Variants in EXD1 observed in about 807,000 individuals in gnomAD.
EXD1 encodes the protein exonuclease 3'-5' domain containing 1.
A neutral mutation model predicts 49.1 loss-of-function variants in EXD1; 63 were observed. That is an observed-to-expected ratio of 1.28 (90% CI 1.05 to 1.58). The LOEUF (loss-of-function observed/expected upper bound fraction) is 1.58. EXD1 is among the 40% of genes most tolerant of loss of function. The pLI, the probability that EXD1 is intolerant of heterozygous loss-of-function variation, is 0.00. For missense variants in EXD1, 748 were observed against 666.0 expected, an observed-to-expected ratio of 1.12 and a Z score of -1.36; for synonymous variants, 234 against 239.2, an observed-to-expected ratio of 0.98 and a Z score of 0.20.
In EXD1 at chr15:41,192,592, GCATTTTTTTT is replaced by G; in HGVS notation, c.721-1017_721-1008del. Among the ~76,000 whole-genome samples, 2 of 86,214 alleles carry G rather than the reference GCATTTTTTTT, an allele frequency of 2.3e-5. 1 individual carries two copies. The highest frequency in any genetic ancestry group is 2.8e-4 in the Admixed American group (2 of 7,024). The allele number at this position is 86,214 out of a possible 152,430, so 56.6% of individuals were successfully genotyped here. A position where few individuals can be genotyped will look rare whatever the true frequency, so the allele number is the denominator to read the frequency against. On this transcript the variant is annotated intron_variant, in intron 9 of 11. Transcript: ENST00000458580. ...TTACAGGCGTGAACCACTGCGCCAG[GCATTTTTTTT>G]TTTTTTTTTTTTTTTTTTTTTTTTT...
Position 41,215,413 on chromosome 15 carries a change from G to A in EXD1, c.447+362C>T, listed in dbSNP as rs1039591165. Among the ~76,000 whole-genome samples the A allele has an allele frequency of 4.3e-4, 66 of 152,132 alleles. 1 individual carries two copies. Among genetic ancestry groups the A allele is most frequent in the African/African-American group, 1.6e-3 (66 of 41,444 alleles). Reference sequence around the variant, plus strand: ...ATAATAAAGAAATTTACAGCCGAGCGTGGTGGCTCATGCCTGTAATCCCAG... The same window carrying A: ...ATAATAAAGAAATTTACAGCCGAGCATGGTGGCTCATGCCTGTAATCCCAG... On this transcript the variant is annotated intron_variant, in intron 6 of 11. Coordinates refer to ENST00000458580, the MANE Select transcript of EXD1 (RefSeq NM_001286441.2).
intron 11 of EXD1, among the ~76,000 whole-genome samples, chr15:41,187,326 G>A (rs1198145206): frequency 6.6e-6 from 1 of 152,050 alleles, no homozygotes; most frequent in Non-Finnish European, 1.5e-5. Flanking sequence ...CTGACCTCAG[G>A]TGAACCACCC....
chr15:41,190,634 G>C (rs894988817), intron 10 of EXD1, among the ~76,000 whole-genome samples: 10 of 152,162 alleles, frequency 6.6e-5, no homozygotes, highest in African/African-American at 2.4e-4. Context: ...TTAACAGTGT[G>C]TGTGTAACAG....
intron 7 of EXD1, among the ~76,000 whole-genome samples, chr15:41,198,403 A>G (rs1479487740): frequency 6.6e-6 from 1 of 152,062 alleles, no homozygotes; most frequent in African/African-American, 2.4e-5. Flanking sequence ...AAAAACCCCA[A>G]AGGGAGGCTG....
intron 6 of EXD1, among the ~76,000 whole-genome samples, chr15:41,211,692 G>T (rs1394938976): frequency 6.6e-6 from 1 of 151,452 alleles, no homozygotes; most frequent in Non-Finnish European, 1.5e-5. Context: ...GGGCGCAGTG[G>T]CTCACGCCTG....
At chr15:41,208,315 CTTGAGACCAGGAGT>C (rs1034861995) in intron 7 of EXD1, among the ~76,000 whole-genome samples, 2 of 137,224 alleles carry the variant, frequency 1.5e-5, no homozygotes, top group Non-Finnish European at 3.0e-5. Flanking sequence ...AGAAGGATTG[CTTGAGACCAGGAGT>C]TTGAGACCAG....
intron 5 of EXD1, 98 bp from the exon 6 acceptor site, chr15:41,215,931 G>T: frequency 1.6e-6 from 2 of 1,228,986 alleles, no homozygotes; most frequent in Non-Finnish European, 2.4e-6. Context: ...CTACTGTATT[G>T]CAACTCAAAT....
chr15:41,223,941 T>C (rs1461128700), intron 2 of EXD1, among the ~76,000 whole-genome samples: 1 of 152,164 alleles, frequency 6.6e-6, no homozygotes, highest in Non-Finnish European at 1.5e-5. Flanking sequence ...TCGGCTGGCC[T>C]TAAACTCCTG....
chr15:41,196,068 T>C lies in EXD1; in HGVS notation c.535-31A>G, dbSNP rs1048671316. 7 of 1,531,778 alleles carry C rather than the reference T, an allele frequency of 4.6e-6. No individual in the cohort carries two copies. In the Middle Eastern group the frequency reaches 5.2e-4, roughly 114 times the overall value. 94.9% of individuals were successfully genotyped at this position (1,531,778 alleles called of 1,614,324 possible). ...ATAGACCATCCAGACACACATACCA[T>C]AGGATAAGAAAGAACTGAGGAAGGG... On this transcript the variant is annotated intron_variant, in intron 7 of 11. Coordinates refer to ENST00000458580, the MANE Select transcript of EXD1 (RefSeq NM_001286441.2).
chr15:41,189,401 T>C (rs1007496246), intron 11 of EXD1, among the ~76,000 whole-genome samples: 10 of 149,526 alleles, frequency 6.7e-5, no homozygotes, highest in Non-Finnish European at 1.0e-4. Flanking sequence ...TGGTGGTTCA[T>C]GCCTGTAATC....
intron 7 of EXD1, among the ~76,000 whole-genome samples, chr15:41,202,917 CAAAAA>C (rs1167336132): frequency 1.1e-5 from 1 of 89,484 alleles, no homozygotes; most frequent in Non-Finnish European, 2.3e-5. Flanking sequence ...GACTCTGTCT[CAAAAA>C]AAAAAAAAAA....
chr15:41,184,625 T>C (rs1247374864), intron 11 of EXD1, 32 bp from the exon 12 acceptor site: 2 of 1,532,606 alleles, frequency 1.3e-6, no homozygotes, highest in African/African-American at 2.8e-5. Context: ...AAGTTTATTA[T>C]AACTAAACTT....
intron 11 of EXD1, 125 bp from the exon 12 acceptor site, chr15:41,184,718 G>C: frequency 1.0e-6 from 1 of 986,872 alleles, no homozygotes; most frequent in South Asian, 2.0e-5. Flanking sequence ...GCAGTGGCAC[G>C]ATCTCGGCTC....
Position 41,230,561 on chromosome 15 carries a change from C to A in EXD1, c.-136G>T, listed in dbSNP as rs1399037861. ...TGGGAAATCTGGATCCTAATTTCAG[C>A]CAAGTGGTGCGTTCCTCGAACTTCA... On this transcript the variant is annotated 5_prime_UTR_variant, in exon 1 of 12. Coordinates refer to ENST00000458580, the MANE Select transcript of EXD1 (RefSeq NM_001286441.2). 6.2e-7 allele frequency: 1 copy of A among 1,613,852 alleles called. No individual in the cohort carries two copies. Among genetic ancestry groups the A allele is most frequent in the Middle Eastern group, 1.7e-4 (1 of 6,060 alleles).
rs371512353 is a variant in EXD1, at chr15:41,192,842, C to A, written c.721-1257G>T. Among the ~76,000 whole-genome samples the A allele has an allele frequency of 3.4e-3, 467 of 136,184 alleles. 2 individuals carry two copies. The highest frequency in any genetic ancestry group is 0.012 in the African/African-American group (438 of 35,922). The allele number at this position is 136,184 out of a possible 152,430, so 89.3% of individuals were successfully genotyped here. On this transcript the variant is annotated intron_variant, in intron 9 of 11. Coordinates refer to ENST00000458580, the MANE Select transcript of EXD1 (RefSeq NM_001286441.2). ...ACGGAGTCTCGTTCTGTCGCCCAGG[C>A]GGGAGTGCTGTGGCGCGATCTCGGC...
intron 7 of EXD1, among the ~76,000 whole-genome samples, chr15:41,207,711 TC>T (rs777831077): frequency 2.6e-5 from 4 of 151,838 alleles, no homozygotes; most frequent in Admixed American, 6.6e-5. Flanking sequence ...GGAAAACCTG[TC>T]CATTAATTTG....
rs756549804 is a variant in EXD1, at chr15:41,195,828, C to T, written c.667G>A (p.Asp223Asn). 29 of 1,613,598 alleles carry T rather than the reference C, an allele frequency of 1.8e-5. No homozygotes were observed. In the South Asian group the frequency reaches 3.2e-4, roughly 18 times the overall value. The change falls in exon 9 of 12, where the codon GAT (aspartate) becomes AAT (asparagine). Residue 223 changes from aspartate to asparagine, a missense_variant. Transcript: ENST00000458580. ...KVIHDCRWLSDCLSHQYGILL... is the reference protein window; with the variant it reads ...KVIHDCRWLSNCLSHQYGILL... ...ATTCCATACTGATGAGAGAGGCAAT[C>T]AGAAAGCCAACGACAATCATGGATA...
chr15:41,229,444 C>T (rs2047205634), intron 1 of EXD1, among the ~76,000 whole-genome samples: 1 of 151,844 alleles, frequency 6.6e-6, no homozygotes. Context: ...AGTGATCAGG[C>T]CATTGCACTC....
chr15:41,216,901 T>C lies in EXD1; in HGVS notation c.261-106A>G, dbSNP rs2047008110. ...TTAAGGACAGTGGTCCTTCATTAAC[T>C]AGAGGACCCATTCATCCACTGCTTA... On this transcript the variant is annotated intron_variant, in intron 4 of 11. Transcript: ENST00000458580. The C allele has an allele frequency of 7.3e-6, 11 of 1,510,476 alleles. No homozygotes were observed. The South Asian group carries it at 1.1e-4, about 16-fold the overall frequency. The allele number at this position is 1,510,476 out of a possible 1,614,324, so 93.6% of individuals were successfully genotyped here. A position where few individuals can be genotyped will look rare whatever the true frequency, so the allele number is the denominator to read the frequency against.
Sources: allele counts gnomAD v4.1 joint callset (sites outside exome capture counted in the v4.1 genomes callset), GRCh38; gene constraint gnomAD v4.1.1; transcripts MANE v1.5; gene names NCBI Gene and HGNC (gene_info 2026-07-23, HGNC 2026-07-21).